The following GABRG3 variants were observed in gnomAD, a reference collection of about 807,000 sequenced individuals.
GABRG3 encodes the protein gamma-aminobutyric acid receptor subunit gamma-3.
GABRG3 carries 25 observed loss-of-function variants against 48.8 expected under a neutral mutation model. The observed-to-expected ratio is 0.51, with a 90% CI of 0.37 to 0.72. The LOEUF is 0.72. Among genes scored for constraint, GABRG3 ranks in the 30% least tolerant of loss-of-function variants. The pLI is 0.00. For synonymous variants in GABRG3, 227 were observed against 217.6 expected, an observed-to-expected ratio of 1.04 and a Z score of -0.38; for missense variants, 394 against 577.9, an observed-to-expected ratio of 0.68 and a Z score of 3.26.
intron 3 of GABRG3, among the ~76,000 whole-genome samples, chr15:27,107,905 G>T (rs919107213): frequency 2.0e-5 from 3 of 151,246 alleles, no homozygotes; most frequent in African/African-American, 7.3e-5. Flanking sequence ...TGGGTGATTA[G>T]TAATAACCCC....
intron 5 of GABRG3, among the ~76,000 whole-genome samples, chr15:27,405,478 G>A (rs1461177291): frequency 1.3e-5 from 2 of 152,222 alleles, no homozygotes; most frequent in African/African-American, 2.4e-5. Context: ...TACACTGACA[G>A]TTGGAAAATC....
At chr15:27,010,308 G>C (rs1303539949) in intron 2 of GABRG3, among the ~76,000 whole-genome samples, 1 of 152,216 alleles carries the variant, frequency 6.6e-6, no homozygotes, top group Non-Finnish European at 1.5e-5. Context: ...TCACCTGAAA[G>C]AAAGATTCTT....
intron 3 of GABRG3, among the ~76,000 whole-genome samples, chr15:27,075,801 C>T (rs1420057579): frequency 6.6e-6 from 1 of 152,118 alleles, no homozygotes; most frequent in East Asian, 1.9e-4. Flanking sequence ...GAGACTTGTG[C>T]TTGAAGGACA....
intron 5 of GABRG3, among the ~76,000 whole-genome samples, chr15:27,430,718 G>A (rs922829138): frequency 3.9e-5 from 6 of 152,092 alleles, no homozygotes; most frequent in East Asian, 1.9e-4. Flanking sequence ...GGCTGGGCAC[G>A]GTGGCTGACA....
intron 5 of GABRG3, among the ~76,000 whole-genome samples, chr15:27,405,225 G>T (rs941376559): frequency 1.3e-5 from 2 of 152,134 alleles, no homozygotes; most frequent in African/African-American, 2.4e-5. Context: ...ATTCCAGGTT[G>T]ATTAAGAACA....
intron 2 of GABRG3, among the ~76,000 whole-genome samples, chr15:26,984,457 A>G (rs1895114640): frequency 6.6e-6 from 1 of 152,198 alleles, no homozygotes; most frequent in African/African-American, 2.4e-5. Context: ...TCATAATACA[A>G]ATTGTGATCA....
intron 3 of GABRG3, among the ~76,000 whole-genome samples, chr15:27,143,848 A>G (rs759452426): frequency 6.6e-6 from 1 of 152,244 alleles, no homozygotes; most frequent in Non-Finnish European, 1.5e-5. Flanking sequence ...CAATCAATTC[A>G]TAAATTTGTT....
intron 3 of GABRG3, among the ~76,000 whole-genome samples, chr15:27,062,874 T>G (rs1896675066): frequency 1.3e-5 from 2 of 152,334 alleles, no homozygotes; most frequent in South Asian, 2.1e-4. Flanking sequence ...TAACAGTTAA[T>G]TTCTTTGGCG....
At chr15:27,146,343 A>G (rs1019728034) in intron 3 of GABRG3, among the ~76,000 whole-genome samples, 5 of 152,154 alleles carry the variant, frequency 3.3e-5, no homozygotes, top group South Asian at 4.1e-4. Flanking sequence ...TGTAGTCCCA[A>G]CTACTCAGGA....
chr15:27,123,636 A>G (rs531862017), intron 3 of GABRG3, among the ~76,000 whole-genome samples: 2 of 152,282 alleles, frequency 1.3e-5, no homozygotes, highest in African/African-American at 4.8e-5. Context: ...GTTCTAGCCC[A>G]TCGGAAAATG....
chr15:27,528,080 G>C, intron 9 of GABRG3, 88 bp downstream of exon 9: 3 of 978,360 alleles, frequency 3.1e-6, no homozygotes, highest in Middle Eastern at 4.1e-4. Flanking sequence ...GTTGATGCAT[G>C]CATGTATTGA....
intron 3 of GABRG3, among the ~76,000 whole-genome samples, chr15:27,085,452 T>C (rs1897060485): frequency 6.6e-6 from 1 of 152,228 alleles, no homozygotes; most frequent in Admixed American, 6.5e-5. Flanking sequence ...GGAATATTTC[T>C]CTGGGATATG....
chr15:27,124,197 G>A (rs1227653025), intron 3 of GABRG3, among the ~76,000 whole-genome samples: 1 of 152,182 alleles, frequency 6.6e-6, no homozygotes, highest in Non-Finnish European at 1.5e-5. Context: ...AGACACTTCT[G>A]GATATTGTAA....
At chr15:27,380,368 G>A (rs993595524) in intron 5 of GABRG3, among the ~76,000 whole-genome samples, 12 of 150,208 alleles carry the variant, frequency 8.0e-5, no homozygotes, top group Non-Finnish European at 1.6e-4. Flanking sequence ...CAACATCTCT[G>A]CTTTATCTGA....
intron 5 of GABRG3, among the ~76,000 whole-genome samples, chr15:27,442,525 C>T (rs1360280319): frequency 6.6e-6 from 1 of 152,180 alleles, no homozygotes; most frequent in Non-Finnish European, 1.5e-5. Flanking sequence ...CAAAGGTGCC[C>T]AGCATACACG....
chr15:27,033,845 G>T (rs760276323), intron 3 of GABRG3, among the ~76,000 whole-genome samples: 2 of 152,096 alleles, frequency 1.3e-5, no homozygotes, highest in Non-Finnish European at 2.9e-5. Context: ...CAAAAGGATT[G>T]TTTGTTGCTA....
intron 5 of GABRG3, among the ~76,000 whole-genome samples, chr15:27,431,615 C>T (rs1486717874): frequency 6.6e-6 from 1 of 152,074 alleles, no homozygotes; most frequent in Admixed American, 6.6e-5. Flanking sequence ...GGAAGGATTC[C>T]GTTTTGCACC....
intron 6 of GABRG3, among the ~76,000 whole-genome samples, chr15:27,516,909 T>A (rs1891032405): frequency 6.6e-6 from 1 of 152,232 alleles, no homozygotes; most frequent in Admixed American, 6.5e-5. Flanking sequence ...GGATTGGAAA[T>A]AACAAGTTTC....
At chr15:27,410,757 CTG>C (rs1474872457) in intron 5 of GABRG3, among the ~76,000 whole-genome samples, 1 of 151,868 alleles carries the variant, frequency 6.6e-6, no homozygotes, top group Admixed American at 6.6e-5. Flanking sequence ...TTTTTGCTGA[CTG>C]TGGAATTCTT....
Sources: allele counts gnomAD v4.1 joint callset (sites outside exome capture counted in the v4.1 genomes callset), GRCh38; gene constraint gnomAD v4.1.1; transcripts MANE v1.5; gene names NCBI Gene and HGNC (gene_info 2026-07-23, HGNC 2026-07-21).